CHID1: variants seen among roughly 807,000 people sequenced by gnomAD.
CHID1 encodes the protein chitinase domain containing 1, also known as chitinase domain-containing protein 1.
CHID1 carries 44 observed loss-of-function variants against 55.4 expected under a neutral mutation model. The ratio of observed to expected loss-of-function variants is 0.79; its 90% CI spans 0.62 to 1.02. CHID1 has a LOEUF of 1.02. Among genes scored for constraint, CHID1 ranks in the 50% least tolerant of loss-of-function variants. The probability of loss-of-function intolerance (pLI) is 0.00; values close to 1 mark genes in which losing one functional copy is unlikely to be tolerated. For synonymous variants in CHID1, 216 were observed against 212.9 expected (o/e 1.01, Z -0.13); for missense variants, 491 against 515.3 (o/e 0.95, Z 0.46).
intron 2 of CHID1, among the ~76,000 whole-genome samples, chr11:903,992 C>G (rs987182156): frequency 1.4e-4 from 21 of 152,140 alleles, no homozygotes; most frequent in African/African-American, 4.8e-4. Context: ...CTGGCCAATG[C>G]GAGTCTTTTC....
At chr11:901,044 C>G in intron 4 of CHID1, 64 bp from the exon 5 acceptor site, 1 of 1,483,982 alleles carries the variant, frequency 6.7e-7, no homozygotes, top group Non-Finnish European at 9.2e-7. Flanking sequence ...CCCAGCCTAC[C>G]TGAGGAGGAA....
At chr11:893,381 C>T in intron 8 of CHID1, 46 bp downstream of exon 8, 1 of 1,501,812 alleles carries the variant, frequency 6.7e-7, no homozygotes, top group Middle Eastern at 2.3e-4. Context: ...GCCCCCGACC[C>T]CAGAGCCCTC....
chr11:871,030 G>A (rs138429802), intron 10 of CHID1, among the ~76,000 whole-genome samples: 11,132 of 139,404 alleles, frequency 0.08, 644 homozygotes, highest in South Asian at 0.23. Flanking sequence ...TCACTCTGTC[G>A]CCCAGGCTGG....
In CHID1 at chr11:869,508, C is replaced by T; in HGVS notation, c.*350G>A. The T allele has an allele frequency of 2.7e-6, 1 of 374,250 alleles. No homozygotes were observed. The highest frequency in any genetic ancestry group is 4.2e-5 in the Admixed American group (1 of 23,788). 23.2% of individuals were successfully genotyped at this position (374,250 alleles called of 1,614,324 possible). A position where few individuals can be genotyped will look rare whatever the true frequency, so the allele number is the denominator to read the frequency against. ...GGGCGAGTCCGGGATGGTTCCAGAG[C>T]TTCCAAACCCACATCCAGCCCAGGA... On this transcript the variant is annotated 3_prime_UTR_variant, in exon 13 of 13. Transcript: ENST00000323578.
Position 869,676 on chromosome 11 carries a change from G to T in CHID1, c.*182C>A. 1 of 620,510 alleles carries T rather than the reference G, an allele frequency of 1.6e-6. No individual in the cohort carries two copies. Among genetic ancestry groups the T allele is most frequent in the Admixed American group, 2.8e-5 (1 of 36,286 alleles). 38.4% of individuals were successfully genotyped at this position (620,510 alleles called of 1,614,324 possible). A position where few individuals can be genotyped will look rare whatever the true frequency, so the allele number is the denominator to read the frequency against. ...AGCTCTCAGGGTGTCCCCCAGCTAG[G>T]ACTCATCCAGGGCAGGGACCCCTCA... On this transcript the variant is annotated 3_prime_UTR_variant, in exon 13 of 13. Transcript: ENST00000323578.
At chr11:883,644 C>T (rs1239219410) in intron 9 of CHID1, among the ~76,000 whole-genome samples, 1 of 152,250 alleles carries the variant, frequency 6.6e-6, no homozygotes, top group East Asian at 1.9e-4. Flanking sequence ...GCGGCCCCCA[C>T]CCCACAGCCA....
At chr11:884,739 T>C (rs1002238501) in intron 8 of CHID1, among the ~76,000 whole-genome samples, 2 of 152,156 alleles carry the variant, frequency 1.3e-5, no homozygotes, top group Non-Finnish European at 2.9e-5. Flanking sequence ...GTGTGGCACA[T>C]TCCCCAGCAT....
intron 10 of CHID1, among the ~76,000 whole-genome samples, chr11:876,023 T>C (rs1246558850): frequency 6.6e-6 from 1 of 152,102 alleles, no homozygotes; most frequent in East Asian, 1.9e-4. Context: ...GTCTGCTCTT[T>C]AGGGCGGTCG....
At chr11:906,594 G>C (rs758424919) in intron 1 of CHID1, among the ~76,000 whole-genome samples, 3 of 152,172 alleles carry the variant, frequency 2.0e-5, no homozygotes, top group Non-Finnish European at 4.4e-5. Context: ...ACACAGACAG[G>C]CACTGCCATG....
intron 1 of CHID1, among the ~76,000 whole-genome samples, chr11:909,232 C>T (rs1565209424): frequency 6.6e-6 from 1 of 152,242 alleles, no homozygotes; most frequent in Non-Finnish European, 1.5e-5. Context: ...CTCCATCATG[C>T]TCTTCACATA....
chr11:902,003 ATC>A (rs1851844377), intron 4 of CHID1, 193 bp downstream of exon 4: 1 of 628,678 alleles, frequency 1.6e-6, no homozygotes, highest in Middle Eastern at 4.3e-4. Context: ...CACACTCACA[ATC>A]TCTTCTCTCC....
Position 904,697 on chromosome 11 carries a change from C to T in CHID1, c.111+9G>A. 2 of 1,614,078 alleles carry T rather than the reference C, an allele frequency of 1.2e-6. No individual in the cohort carries two copies. Among genetic ancestry groups the T allele is most frequent in the Non-Finnish European group, 8.5e-7 (1 of 1,179,988 alleles). The stretch of plus-strand genomic sequence containing the variant: ...GTACAGTCACCTCAAGTCCCCAGGC[C>T]ACCCTTACCTTCTCCAGCAGCGTCT... On this transcript the variant is annotated intron_variant, in intron 2 of 12. Transcript: ENST00000323578.
At chr11:887,695 T>A (rs1850500081) in intron 8 of CHID1, among the ~76,000 whole-genome samples, 1 of 152,208 alleles carries the variant, frequency 6.6e-6, no homozygotes, top group African/African-American at 2.4e-5. Context: ...GTGCCCATGA[T>A]GCCCTTCCAA....
chr11:871,098 C>G (rs1565158491), intron 10 of CHID1, among the ~76,000 whole-genome samples: 1 of 149,610 alleles, frequency 6.7e-6, no homozygotes, highest in Non-Finnish European at 1.5e-5. Flanking sequence ...TCAGGTGATT[C>G]TTCTGCCTCA....
chr11:883,344 G>T, intron 9 of CHID1, 41 bp from the exon 10 acceptor site: 1 of 1,581,618 alleles, frequency 6.3e-7, no homozygotes, highest in Non-Finnish European at 8.6e-7. Flanking sequence ...AACAGGGAGG[G>T]CCCCGCACCT....
intron 8 of CHID1, among the ~76,000 whole-genome samples, chr11:892,412 G>T (rs970093588): frequency 1.3e-5 from 2 of 152,214 alleles, no homozygotes; most frequent in Non-Finnish European, 2.9e-5. Context: ...ACAGGCAGAG[G>T]GAGTTCTGTC....
upstream of CHID1, chr11:914,565 G>C: frequency 7.8e-7 from 1 of 1,289,408 alleles, no homozygotes; most frequent in Non-Finnish European, 1.0e-6. Flanking sequence ...GCCTCTCACA[G>C]ACATCCTCAA....
At chr11:901,019 C>T (rs758225934) in intron 4 of CHID1, 39 bp from the exon 5 acceptor site, 46 of 1,561,960 alleles carry the variant, frequency 2.9e-5, no homozygotes, top group Non-Finnish European at 3.6e-5. Flanking sequence ...CAGGCACGTG[C>T]GCCCAACTGG....
upstream of CHID1, among the ~76,000 whole-genome samples, chr11:911,995 T>C (rs1490274846): frequency 6.6e-6 from 1 of 152,244 alleles, no homozygotes. Context: ...TTAGCCATTT[T>C]AGGATCTCAT....
Sources: gnomAD v4.1 joint callset for allele counts (sites outside exome capture counted in the v4.1 genomes callset) on GRCh38, gnomAD v4.1.1 for gene constraint, MANE v1.5 for transcripts, NCBI Gene and HGNC (gene_info 2026-07-23, HGNC 2026-07-21) for gene names.